The following MOBP variants were observed in gnomAD, a reference collection of about 807,000 sequenced individuals.
The protein encoded by MOBP is myelin-associated oligodendrocyte basic protein.
In MOBP, 5 loss-of-function variants were observed where a neutral mutation model predicts 15.0. The ratio of observed to expected loss-of-function variants is 0.33; its 90% CI spans 0.17 to 0.70. MOBP has a LOEUF of 0.70. MOBP is among the 30% of genes least tolerant of loss of function. MOBP has a pLI of 0.67. For synonymous variants in MOBP, 88 were observed against 99.0 expected (o/e 0.89, Z 0.66); for missense variants, 188 against 257.8 (o/e 0.73, Z 1.85).
At chr3:39,523,169 A>G (rs1221224141) in intron 3 of MOBP, among the ~76,000 whole-genome samples, 1 of 152,248 alleles carries the variant, frequency 6.6e-6, no homozygotes, top group Admixed American at 6.5e-5. Flanking sequence ...TTGCTTTCAC[A>G]AAACAATCAA....
At chr3:39,507,385 G>A (rs144397652), downstream of MOBP, among the ~76,000 whole-genome samples, 224 of 152,262 alleles carry the variant, frequency 1.5e-3, no homozygotes, top group Admixed American at 4.1e-3. Context: ...GATGGGAAGG[G>A]GTGCAGGATT....
chr3:39,479,754 G>GA (rs1304867214), intron 1 of MOBP, among the ~76,000 whole-genome samples: 3 of 149,366 alleles, frequency 2.0e-5, no homozygotes, highest in African/African-American at 7.3e-5. Context: ...TGGGAGAAAT[G>GA]AAAAAAAGAA....
At chr3:39,488,422 T>C (rs947289413) in intron 2 of MOBP, among the ~76,000 whole-genome samples, 2 of 152,184 alleles carry the variant, frequency 1.3e-5, no homozygotes, top group Non-Finnish European at 1.5e-5. Flanking sequence ...TAATTTCTCT[T>C]GGAGACATCC....
intron 2 of MOBP, among the ~76,000 whole-genome samples, chr3:39,489,161 C>A (rs2042758000): frequency 6.6e-6 from 1 of 152,212 alleles, no homozygotes; most frequent in African/African-American, 2.4e-5. Flanking sequence ...GTGGCTCCCA[C>A]ATATCTTTTG....
intron 2 of MOBP, among the ~76,000 whole-genome samples, chr3:39,498,027 AC>A (rs1206304902): frequency 6.6e-6 from 1 of 152,240 alleles, no homozygotes; most frequent in Non-Finnish European, 1.5e-5. Context: ...GTTACAATGT[AC>A]CCATCCGGTT....
intron 3 of MOBP, among the ~76,000 whole-genome samples, chr3:39,523,076 A>T (rs1353740941): frequency 6.6e-6 from 1 of 152,228 alleles, no homozygotes; most frequent in East Asian, 1.9e-4. Context: ...ACAATGTCAG[A>T]TCTTCCACAA....
At position 39,509,401 on chromosome 3, in the gene MOBP, A is replaced by G. The variant is rs189326963; in HGVS notation, c.*-3982A>G. Among the ~76,000 whole-genome samples, 81 of 152,250 alleles carry G rather than the reference A, an allele frequency of 5.3e-4. 1 individual carries two copies. The East Asian group carries it at 0.014, about 25-fold the overall frequency. ...ACTATCAGCTTTAAAAATTTTATTC[A>G]TTCTGATAGGTATGTAATGGTATTC... is the stretch of plus-strand genomic sequence containing the variant. On this transcript the variant is annotated intron_variant, in intron 4 of 4. Transcript: ENST00000311042.
intron 1 of MOBP, among the ~76,000 whole-genome samples, chr3:39,476,114 G>A (rs1056816094): frequency 2.0e-5 from 3 of 152,112 alleles, no homozygotes; most frequent in Non-Finnish European, 4.4e-5. Context: ...CATCTCAGAT[G>A]GTGGGAGCAG....
chr3:39,508,412 C>T (rs2043075475), intron 4 of MOBP, among the ~76,000 whole-genome samples: 1 of 152,196 alleles, frequency 6.6e-6, no homozygotes, highest in Non-Finnish European at 1.5e-5. Flanking sequence ...ACTCCCCAGC[C>T]CATAGTAACC....
At chr3:39,492,679 C>T (rs543551166) in intron 2 of MOBP, among the ~76,000 whole-genome samples, 5 of 152,166 alleles carry the variant, frequency 3.3e-5, no homozygotes, top group African/African-American at 1.2e-4. Flanking sequence ...ATATATTAAA[C>T]ATCCCATTCC....
Position 39,484,530 on chromosome 3 carries a change from C to G in MOBP, c.-5+4407C>G, listed in dbSNP as rs549792914. On this transcript the variant is annotated intron_variant, in intron 2 of 3. Coordinates refer to ENST00000684792, the MANE Select transcript of MOBP (RefSeq NM_001393704.1). Reference sequence around the variant, plus strand: ...GAGAGACCAGCTGGGCCCGCCTGTCCCCTTGGCCTGTAGAAAATTGTGGGA... The same window carrying G: ...GAGAGACCAGCTGGGCCCGCCTGTCGCCTTGGCCTGTAGAAAATTGTGGGA... Among the ~76,000 whole-genome samples, 18 of 152,222 alleles carry G rather than the reference C, an allele frequency of 1.2e-4. No individual in the cohort carries two copies. The South Asian group carries it at 3.7e-3, about 32-fold the overall frequency.
intron 1 of MOBP, among the ~76,000 whole-genome samples, chr3:39,473,040 C>A (rs1337864987): frequency 6.6e-6 from 1 of 152,178 alleles, no homozygotes; most frequent in African/African-American, 2.4e-5. Flanking sequence ...ACCTGGAAAT[C>A]TGCGGGGCTG....
chr3:39,499,885 C>T (rs1348712402), intron 2 of MOBP: 3 of 393,408 alleles, frequency 7.6e-6, no homozygotes, highest in African/African-American at 2.1e-5. Context: ...CATTCCCAAG[C>T]CCTCATCTTT....
chr3:39,497,811 C>G (rs902538178), intron 2 of MOBP, among the ~76,000 whole-genome samples: 2 of 152,230 alleles, frequency 1.3e-5, no homozygotes, highest in Non-Finnish European at 2.9e-5. Flanking sequence ...ACAGATCAGA[C>G]AGTCCCCAGA....
chr3:39,505,949 T>C (rs2043042665), downstream of MOBP, among the ~76,000 whole-genome samples: 1 of 152,136 alleles, frequency 6.6e-6, no homozygotes, highest in South Asian at 2.1e-4. Flanking sequence ...CCCCAGACTG[T>C]CCTGGCTCCA....
chr3:39,474,850 C>G (rs2042523397), intron 1 of MOBP, among the ~76,000 whole-genome samples: 1 of 152,186 alleles, frequency 6.6e-6, no homozygotes, highest in Non-Finnish European at 1.5e-5. Flanking sequence ...GGATATTACC[C>G]ACGTTGCAAA....
intron 4 of MOBP, among the ~76,000 whole-genome samples, chr3:39,510,252 A>G (rs1251296330): frequency 6.6e-6 from 1 of 152,120 alleles, no homozygotes; most frequent in African/African-American, 2.4e-5. Flanking sequence ...GAAATCAGTT[A>G]GTGTGAATTC....
At chr3:39,493,160 A>C (rs2042825669) in intron 2 of MOBP, among the ~76,000 whole-genome samples, 1 of 152,120 alleles carries the variant, frequency 6.6e-6, no homozygotes. Context: ...AGAAAGGAGG[A>C]AGGGTGGGAA....
At chr3:39,477,689 T>TCC in intron 1 of MOBP, among the ~76,000 whole-genome samples, 1 of 150,422 alleles carries the variant, frequency 6.6e-6, no homozygotes, top group South Asian at 2.1e-4. Context: ...ATTGTTGTCA[T>TCC]AGGAGATGAC....
Sources: allele counts gnomAD v4.1 joint callset (sites outside exome capture counted in the v4.1 genomes callset), GRCh38; gene constraint gnomAD v4.1.1; transcripts MANE v1.5; gene names NCBI Gene and HGNC (gene_info 2026-07-23, HGNC 2026-07-21).